Variants in ASPRV1 observed in about 807,000 individuals in gnomAD.
ASPRV1 encodes the protein retroviral-like aspartic protease 1.
Under a neutral mutation model 11.0 loss-of-function variants are expected in ASPRV1, and 7 were observed. The observed-to-expected ratio is 0.64, with a 90% confidence interval of 0.36 to 1.20. The LOEUF is 1.20. ASPRV1 is among the 50% of genes most tolerant of loss of function. ASPRV1 has a pLI of 0.02. For missense variants in ASPRV1, 299 were observed against 320.0 expected (o/e 0.93, Z 0.50); for synonymous variants, 136 against 138.4 (o/e 0.98, Z 0.12).
chr2:69,963,904 C>T (rs978722879), upstream of ASPRV1, among the ~76,000 whole-genome samples: 1 of 152,004 alleles, frequency 6.6e-6, no homozygotes, highest in Non-Finnish European at 1.5e-5. Flanking sequence ...GCATAGGCGC[C>T]GGGGGCAGGG....
chr2:70,060,397 C>A, the ASPRV1 span, among the ~76,000 whole-genome samples: 1 of 149,990 alleles, frequency 6.7e-6, no homozygotes, highest in African/African-American at 2.5e-5. Flanking sequence ...TCTGTTGAAC[C>A]TGCACTGTCT....
At chr2:70,052,930 G>A in the ASPRV1 span, among the ~76,000 whole-genome samples, 1 of 152,082 alleles carries the variant, frequency 6.6e-6, no homozygotes, top group Non-Finnish European at 1.5e-5. Flanking sequence ...GCCACAGGAG[G>A]CCAGAGCTCT....
chr2:69,947,256 A>G, the ASPRV1 span, among the ~76,000 whole-genome samples: 7,808 of 152,266 alleles, frequency 0.051, 670 homozygotes, highest in African/African-American at 0.18. Flanking sequence ...AAGAGTAAAG[A>G]GATAATCAGG....
the ASPRV1 span, among the ~76,000 whole-genome samples, chr2:69,974,032 A>G: frequency 6.6e-6 from 1 of 152,244 alleles, no homozygotes; most frequent in South Asian, 2.1e-4. Context: ...TAAAAGAATA[A>G]AGAATAATAA....
chr2:69,982,723 G>A, the ASPRV1 span, among the ~76,000 whole-genome samples: 2 of 152,176 alleles, frequency 1.3e-5, no homozygotes, highest in African/African-American at 4.8e-5. Flanking sequence ...CCTGGGGGCT[G>A]CTTCCCCCCT....
chr2:69,989,718 G>T, the ASPRV1 span, among the ~76,000 whole-genome samples: 2 of 152,244 alleles, frequency 1.3e-5, no homozygotes, highest in Non-Finnish European at 2.9e-5. Context: ...CCAACCCCAG[G>T]AGCCTTCCTG....
chr2:69,971,789 G>C, the ASPRV1 span, among the ~76,000 whole-genome samples: 1 of 152,152 alleles, frequency 6.6e-6, no homozygotes, highest in South Asian at 2.1e-4. Flanking sequence ...CATCATCTGG[G>C]GGAGCTTTGC....
At chr2:70,083,567 T>C in the ASPRV1 span, 2 of 152,114 alleles carry the variant, frequency 1.3e-5, no homozygotes, top group East Asian at 1.9e-4. Context: ...GCGAGTCATG[T>C]GTGAGGCTCC....
chr2:70,085,897 A>G, the ASPRV1 span: 1 of 152,274 alleles, frequency 6.6e-6, no homozygotes, highest in African/African-American at 2.4e-5. Context: ...AGCCCATGCT[A>G]GGAAGTCTAG....
chr2:69,996,826 T>C, the ASPRV1 span: 26 of 434,722 alleles, frequency 6.0e-5, no homozygotes, highest in Admixed American at 6.9e-4. Flanking sequence ...GGAGGTGCTG[T>C]CTGAGAATGC....
the ASPRV1 span, among the ~76,000 whole-genome samples, chr2:69,977,549 A>G: frequency 6.6e-6 from 1 of 152,164 alleles, no homozygotes; most frequent in South Asian, 2.1e-4. Flanking sequence ...GCATCTCTGA[A>G]CTATCGTGTC....
the ASPRV1 span, among the ~76,000 whole-genome samples, chr2:70,048,107 CAAAAAAAAAAAAAA>C: frequency 2.2e-4 from 7 of 32,492 alleles, no homozygotes; most frequent in African/African-American, 3.4e-4. Flanking sequence ...GACTCCATCT[CAAAAAAAAAAAAAA>C]AAAAAAAAAA....
At chr2:70,063,274 G>A in the ASPRV1 span, among the ~76,000 whole-genome samples, 3 of 152,326 alleles carry the variant, frequency 2.0e-5, no homozygotes, top group Admixed American at 2.0e-4. Context: ...AGCCAGGTCA[G>A]AAACCTTGAT....
chr2:69,974,221 C>A, the ASPRV1 span, among the ~76,000 whole-genome samples: 1 of 151,800 alleles, frequency 6.6e-6, no homozygotes, highest in South Asian at 2.1e-4. Context: ...CCTGTTTTCC[C>A]AGCTACTCAG....
chr2:70,074,557 T>A, the ASPRV1 span, among the ~76,000 whole-genome samples: 1 of 151,590 alleles, frequency 6.6e-6, no homozygotes, highest in Middle Eastern at 3.2e-3. Flanking sequence ...ATTACAGGCA[T>A]GAGCCACCGC....
the ASPRV1 span, among the ~76,000 whole-genome samples, chr2:70,085,218 A>T: frequency 1.2e-4 from 19 of 152,286 alleles, no homozygotes; most frequent in Non-Finnish European, 2.6e-4. Context: ...TCATACAAAA[A>T]ACCATTTGCT....
At chr2:69,951,139 G>A in the ASPRV1 span, among the ~76,000 whole-genome samples, 6 of 151,926 alleles carry the variant, frequency 3.9e-5, no homozygotes, top group Non-Finnish European at 5.9e-5. Flanking sequence ...ATATGCGAGT[G>A]TGTGGCCCAG....
chr2:70,033,661 A>C, the ASPRV1 span, among the ~76,000 whole-genome samples: 4 of 152,204 alleles, frequency 2.6e-5, no homozygotes, highest in Non-Finnish European at 5.9e-5. Context: ...AGGGAATGGA[A>C]TAATTTTTTC....
the ASPRV1 span, among the ~76,000 whole-genome samples, chr2:70,076,062 C>A: frequency 6.6e-6 from 1 of 151,758 alleles, no homozygotes; most frequent in Non-Finnish European, 1.5e-5. Context: ...ATATAACTAA[C>A]CTATCATTCA....
Sources: gnomAD v4.1 joint callset for allele counts (sites outside exome capture counted in the v4.1 genomes callset) on GRCh38, gnomAD v4.1.1 for gene constraint, MANE v1.5 for transcripts, NCBI Gene and HGNC (gene_info 2026-07-23, HGNC 2026-07-21) for gene names.